Variants in CCNY observed in about 807,000 individuals in gnomAD.
CCNY encodes cyclin-Y.
In CCNY, 19 loss-of-function variants were observed where a neutral mutation model predicts 42.8. The ratio of observed to expected loss-of-function variants is 0.44; its 90% CI spans 0.31 to 0.65. The LOEUF (loss-of-function observed/expected upper bound fraction) is 0.65, where lower values mean the gene tolerates loss of function less well. CCNY is among the 30% of genes least tolerant of loss of function. The pLI is 0.07. For missense variants in CCNY, 370 were observed against 437.3 expected, an observed-to-expected ratio of 0.85 and a Z score of 1.37; for synonymous variants, 165 against 162.7, an observed-to-expected ratio of 1.01 and a Z score of -0.11.
chr10:35,516,660 C>CAA, intron 4 of CCNY, 37 bp downstream of exon 4: 1 of 533,888 alleles, frequency 1.9e-6, no homozygotes, highest in Non-Finnish European at 2.8e-6. Flanking sequence ...TTCCTTCCTT[C>CAA]CTTTTTTTTT....
At chr10:35,366,636 T>C (rs913013867) in intron 1 of CCNY, among the ~76,000 whole-genome samples, 9 of 152,344 alleles carry the variant, frequency 5.9e-5, no homozygotes, top group African/African-American at 2.2e-4. Context: ...ACATTTGGGC[T>C]GCATTTCCAG....
chr10:35,558,973 G>GGA (rs1458702440), intron 8 of CCNY, among the ~76,000 whole-genome samples: 1 of 152,200 alleles, frequency 6.6e-6, no homozygotes, highest in Non-Finnish European at 1.5e-5. Context: ...AAGTTGGTAA[G>GGA]GAATAGAGGC....
intron 1 of CCNY, among the ~76,000 whole-genome samples, chr10:35,465,649 T>G (rs1437388637): frequency 6.6e-6 from 1 of 152,162 alleles, no homozygotes; most frequent in Admixed American, 6.5e-5. Context: ...GCCTTGCGTG[T>G]CTACTGGCAG....
At chr10:35,295,071 C>A (rs1835455374) in intron 3 of CCNY, among the ~76,000 whole-genome samples, 1 of 151,952 alleles carries the variant, frequency 6.6e-6, no homozygotes, top group South Asian at 2.1e-4. Flanking sequence ...AGATGGATTG[C>A]TTGAGCCTTG....
chr10:35,476,098 A>G (rs1405147633), intron 1 of CCNY, among the ~76,000 whole-genome samples: 3 of 152,222 alleles, frequency 2.0e-5, no homozygotes, highest in Non-Finnish European at 4.4e-5. Context: ...TCCTAAATAT[A>G]TATGCACCCA....
chr10:35,376,472 G>A (rs184258032), intron 1 of CCNY, among the ~76,000 whole-genome samples: 1 of 152,318 alleles, frequency 6.6e-6, no homozygotes, highest in East Asian at 1.9e-4. Context: ...GATACAGGTT[G>A]AGCATTCCTA....
At chr10:35,265,429 A>G (rs1020946241) in intron 3 of CCNY, among the ~76,000 whole-genome samples, 3 of 152,210 alleles carry the variant, frequency 2.0e-5, no homozygotes, top group Admixed American at 6.5e-5. Context: ...GGGTTTCTAC[A>G]GTTGTTTTAG....
chr10:35,477,058 A>G (rs1408113321), intron 1 of CCNY, among the ~76,000 whole-genome samples: 2 of 152,232 alleles, frequency 1.3e-5, no homozygotes, highest in Non-Finnish European at 2.9e-5. Flanking sequence ...AAATTCCTGG[A>G]CACATAGACT....
rs112760907 is a variant in CCNY at position 35,343,000 on chromosome 10, CT to C, written c.154+5813del. Among the ~76,000 whole-genome samples, 1,042 of 128,324 alleles carry C rather than the reference CT, an allele frequency of 8.1e-3. 3 individuals are homozygous for C. Among genetic ancestry groups the C allele is most frequent in the African/African-American group, 0.02 (716 of 34,976 alleles). The allele number at this position is 128,324 out of a possible 152,430, so 84.2% of individuals were successfully genotyped here. A position where few individuals can be genotyped will look rare whatever the true frequency, so the allele number is the denominator to read the frequency against. On this transcript the variant is annotated intron_variant, in intron 1 of 9. Transcript: ENST00000374704. ...TAAGGACTTTTACTTTCCTGCCTGC[CT>C]TTTTTTTTTTTTTTTTTTTAAGACA...
At chr10:35,307,810 A>C (rs1835629642) in intron 3 of CCNY, among the ~76,000 whole-genome samples, 1 of 71,384 alleles carries the variant, frequency 1.4e-5, no homozygotes, top group Non-Finnish European at 3.0e-5. Flanking sequence ...GTATATATAT[A>C]TATATATATT....
intron 1 of CCNY, among the ~76,000 whole-genome samples, chr10:35,388,608 C>T (rs969954884): frequency 4.6e-5 from 7 of 152,020 alleles, no homozygotes; most frequent in African/African-American, 4.8e-5. Flanking sequence ...TAAATAATTG[C>T]GTTTTCTCTT....
chr10:35,460,577 C>A (rs1362254196), intron 1 of CCNY, among the ~76,000 whole-genome samples: 2 of 152,172 alleles, frequency 1.3e-5, no homozygotes, highest in Non-Finnish European at 2.9e-5. Flanking sequence ...CATCAAGCTA[C>A]TGTTATTATA....
At chr10:35,384,212 A>T (rs1244945297) in intron 1 of CCNY, among the ~76,000 whole-genome samples, 1 of 152,026 alleles carries the variant, frequency 6.6e-6, no homozygotes, top group East Asian at 1.9e-4. Context: ...GACGGGGATT[A>T]AAAAAAACAT....
At chr10:35,518,726 A>G (rs1475609397) in intron 4 of CCNY, among the ~76,000 whole-genome samples, 1 of 143,956 alleles carries the variant, frequency 6.9e-6, no homozygotes, top group Non-Finnish European at 1.5e-5. Context: ...TCTTGATTGA[A>G]TCTGGCTGAG....
chr10:35,284,469 G>A (rs1260580651), intron 3 of CCNY, among the ~76,000 whole-genome samples: 1 of 152,124 alleles, frequency 6.6e-6, no homozygotes, highest in African/African-American at 2.4e-5. Context: ...GGGATATGGA[G>A]GGATATCCTT....
intron 2 of CCNY, among the ~76,000 whole-genome samples, chr10:35,501,039 C>T (rs1183408823): frequency 6.6e-6 from 1 of 152,142 alleles, no homozygotes; most frequent in Admixed American, 6.5e-5. Flanking sequence ...AGTAATGCTG[C>T]TGATGTACAT....
At chr10:35,527,950 A>C (rs1392015972) in intron 5 of CCNY, among the ~76,000 whole-genome samples, 2 of 152,208 alleles carry the variant, frequency 1.3e-5, no homozygotes, top group South Asian at 4.1e-4. Context: ...AGGATTCTCC[A>C]GAATCCCCTT....
intron 3 of CCNY, among the ~76,000 whole-genome samples, chr10:35,281,925 C>A (rs558003627): frequency 2.0e-5 from 3 of 152,200 alleles, no homozygotes; most frequent in Admixed American, 2.0e-4. Context: ...TAAACAAGAT[C>A]TGCATATTTC....
chr10:35,268,291 G>A (rs1357865709), intron 3 of CCNY, among the ~76,000 whole-genome samples: 2 of 152,218 alleles, frequency 1.3e-5, no homozygotes, highest in East Asian at 3.9e-4. Context: ...AGGCAGGTGG[G>A]TCACTTGAGG....
Sources: allele counts gnomAD v4.1 joint callset (sites outside exome capture counted in the v4.1 genomes callset), GRCh38; gene constraint gnomAD v4.1.1; transcripts MANE v1.5; gene names NCBI Gene and HGNC (gene_info 2026-07-23, HGNC 2026-07-21).